PTPRE: variants seen among roughly 807,000 people sequenced by gnomAD.
The protein encoded by PTPRE is protein tyrosine phosphatase receptor type E.
A neutral mutation model predicts 102.0 loss-of-function variants in PTPRE; 51 were observed. That is an observed-to-expected ratio of 0.50 (90% confidence interval 0.40 to 0.63). PTPRE has a LOEUF of 0.63. Among genes scored for constraint, PTPRE ranks in the 30% least tolerant of loss-of-function variants. The pLI, the probability that PTPRE is intolerant of heterozygous loss-of-function variation, is 0.00. For missense variants in PTPRE, 752 were observed against 915.1 expected (o/e 0.82, Z 2.30); for synonymous variants, 345 against 348.2 (o/e 0.99, Z 0.10).
Position 127,955,254 on chromosome 10 carries a change from A to T in PTPRE, c.-30-27020A>T, listed in dbSNP as rs193165509. ...AGGTAACTCCAGATAAAGAACCATG[A>T]CTATCATATGATGCAGAGAATAAAT... On this transcript the variant is annotated intron_variant, in intron 1 of 20. Transcript: ENST00000254667. Among the ~76,000 whole-genome samples the T allele has an allele frequency of 2.2e-4, 33 of 152,236 alleles. No homozygotes were observed. In the East Asian group the frequency reaches 5.8e-3, roughly 27 times the overall value.
At chr10:128,046,075 G>A (rs773102647) in intron 3 of PTPRE, among the ~76,000 whole-genome samples, 6 of 152,332 alleles carry the variant, frequency 3.9e-5, no homozygotes, top group South Asian at 4.1e-4. Context: ...GGTCACCCAC[G>A]TCCCTAAAAC....
chr10:127,965,254 C>T (rs1257817006), intron 1 of PTPRE, among the ~76,000 whole-genome samples: 1 of 151,930 alleles, frequency 6.6e-6, no homozygotes, highest in East Asian at 1.9e-4. Flanking sequence ...TGGCAAGGAT[C>T]TTTAAAAGAC....
At chr10:128,038,027 T>C (rs1013309970) in intron 2 of PTPRE, among the ~76,000 whole-genome samples, 1 of 148,742 alleles carries the variant, frequency 6.7e-6, no homozygotes, top group Admixed American at 6.9e-5. Flanking sequence ...AGTCTTGAAC[T>C]CCTGAACTTA....
intron 2 of PTPRE, among the ~76,000 whole-genome samples, chr10:128,023,348 GAT>G (rs1846063214): frequency 6.6e-6 from 1 of 151,766 alleles, no homozygotes; most frequent in East Asian, 1.9e-4. Flanking sequence ...TAGGAAAAAA[GAT>G]AGTATATATA....
At chr10:127,982,202 G>C in intron 1 of PTPRE, 72 bp from the exon 2 acceptor site, 1 of 1,008,540 alleles carries the variant, frequency 9.9e-7, no homozygotes, top group Non-Finnish European at 1.3e-6. Flanking sequence ...TGTACAGAAG[G>C]AAATGGCTAG....
At chr10:128,057,572 G>T (rs796122931) in intron 7 of PTPRE, among the ~76,000 whole-genome samples, 2 of 152,218 alleles carry the variant, frequency 1.3e-5, no homozygotes, top group South Asian at 4.1e-4. Context: ...GCACTTTTTA[G>T]AAATAATTCT....
At chr10:128,001,428 C>A (rs547617657) in intron 2 of PTPRE, among the ~76,000 whole-genome samples, 1 of 152,192 alleles carries the variant, frequency 6.6e-6, no homozygotes, top group Non-Finnish European at 1.5e-5. Context: ...ATCCCAGTCA[C>A]GCACTGGGGG....
rs565628940 is a variant in PTPRE at position 128,001,590 on chromosome 10, A to T, written c.-8+19294A>T. Among the ~76,000 whole-genome samples the T allele has an allele frequency of 6.3e-4, 96 of 151,810 alleles. 1 individual carries two copies. The South Asian group carries it at 9.8e-3, about 16-fold the overall frequency. On this transcript the variant is annotated intron_variant, in intron 2 of 20. Coordinates refer to ENST00000254667, the MANE Select transcript of PTPRE (RefSeq NM_006504.6). ...CCTCCTACTTCAAAACCCCAGGCCG[A>T]CCCCCAGTACAGTGCACAGGCAGGG...
At chr10:127,993,487 G>C (rs1404815210) in intron 2 of PTPRE, among the ~76,000 whole-genome samples, 3 of 152,148 alleles carry the variant, frequency 2.0e-5, no homozygotes, top group Non-Finnish European at 4.4e-5. Flanking sequence ...GCTCCTGGAG[G>C]GGGCGAGGGA....
rs143728970 is a variant in PTPRE, at chr10:128,027,523, C to G, written c.-7-13352C>G. Among the ~76,000 whole-genome samples the G allele has an allele frequency of 2.6e-5, 4 of 152,316 alleles. No individual in the cohort carries two copies. The East Asian group carries it at 5.8e-4, about 22-fold the overall frequency. On this transcript the variant is annotated intron_variant, in intron 2 of 20. Coordinates refer to ENST00000254667, the MANE Select transcript of PTPRE (RefSeq NM_006504.6). Reference sequence around the variant, plus strand: ...GTCCTTGTTGAGGCTGTTCTGCTCTCGGGTTTATCAGAAGATAAAGGGGTC... The same window carrying G: ...GTCCTTGTTGAGGCTGTTCTGCTCTGGGGTTTATCAGAAGATAAAGGGGTC...
chr10:127,953,670 A>G (rs1238537084), intron 1 of PTPRE, among the ~76,000 whole-genome samples: 1 of 152,160 alleles, frequency 6.6e-6, no homozygotes, highest in Non-Finnish European at 1.5e-5. Context: ...CCTGCACCCC[A>G]TGGTCATTTG....
intron 11 of PTPRE, among the ~76,000 whole-genome samples, chr10:128,067,239 C>CATTCATGCACATGCATACATGT (rs1850271688): frequency 2.0e-5 from 3 of 148,340 alleles, no homozygotes; most frequent in African/African-American, 5.0e-5. Context: ...CATGCACACA[C>CATTCATGCACATGCATACATGT]GCACACACAT....
intron 2 of PTPRE, among the ~76,000 whole-genome samples, chr10:127,988,304 C>CTTTTT (rs57166500): frequency 4.8e-4 from 59 of 123,832 alleles, no homozygotes; most frequent in Non-Finnish European, 6.4e-4. Flanking sequence ...TTTTTCTTTT[C>CTTTTT]TTTTTTTTTT....
chr10:128,063,004 C>A, intron 9 of PTPRE, 79 bp from the exon 10 acceptor site: 2 of 1,587,078 alleles, frequency 1.3e-6, no homozygotes, highest in Non-Finnish European at 1.7e-6. Context: ...CAGGGGCCAA[C>A]GGCCAGGGTG....
At position 128,063,080 on chromosome 10, in the gene PTPRE, C is replaced by G; in HGVS notation, c.626-3C>G. ...TGACTTCGAAATTGTCCTCTACACA[C>G]AGGTCCCAAACAGGAAACGGTTAAC... On this transcript the variant is annotated splice_region_variant and splice_polypyrimidine_tract_variant and intron_variant, in intron 9 of 20. Coordinates refer to ENST00000254667, the MANE Select transcript of PTPRE (RefSeq NM_006504.6). The G allele has an allele frequency of 6.2e-7, 1 of 1,614,232 alleles. No individual in the cohort carries two copies.
At chr10:128,041,651 A>AG (rs1322287828) in intron 3 of PTPRE, among the ~76,000 whole-genome samples, 1 of 148,764 alleles carries the variant, frequency 6.7e-6, no homozygotes, top group East Asian at 1.9e-4. Flanking sequence ...CGTCTCAAAA[A>AG]AAAAAAAAAA....
chr10:128,020,853 G>T (rs1845815236), intron 2 of PTPRE, among the ~76,000 whole-genome samples: 1 of 152,022 alleles, frequency 6.6e-6, no homozygotes, highest in African/African-American at 2.4e-5. Context: ...TTTGATAGGG[G>T]TGGTTCAGCC....
At chr10:128,079,752 T>C (rs1303860340) in intron 20 of PTPRE, 57 bp downstream of exon 20, 19 of 1,559,356 alleles carry the variant, frequency 1.2e-5, no homozygotes, top group Admixed American at 8.8e-5. Context: ...CATGTTGTAT[T>C]TGATGTATGT....
At chr10:128,072,271 A>G in intron 16 of PTPRE, 57 bp downstream of exon 16, 1 of 1,411,738 alleles carries the variant, frequency 7.1e-7, no homozygotes, top group Non-Finnish European at 9.9e-7. Flanking sequence ...ACATGTGACC[A>G]CAGACTTGAT....
Sources: allele counts gnomAD v4.1 joint callset (sites outside exome capture counted in the v4.1 genomes callset), GRCh38; gene constraint gnomAD v4.1.1; transcripts MANE v1.5; gene names NCBI Gene and HGNC (gene_info 2026-07-23, HGNC 2026-07-21).